Variants in RIPK1 observed in about 807,000 individuals in gnomAD.
The protein encoded by RIPK1 is receptor-interacting serine/threonine-protein kinase 1.
In RIPK1, 27 loss-of-function variants were observed where a neutral mutation model predicts 62.4. The observed-to-expected ratio is 0.43, with a 90% CI of 0.32 to 0.60. The LOEUF (loss-of-function observed/expected upper bound fraction) is 0.60. Ranked by LOEUF, RIPK1 falls within the 20% of genes least tolerant of loss-of-function variation. The pLI is 0.07. For missense variants in RIPK1, 735 were observed against 831.0 expected, an observed-to-expected ratio of 0.88 and a Z score of 1.42; for synonymous variants, 287 against 303.2, an observed-to-expected ratio of 0.95 and a Z score of 0.55.
intron 1 of RIPK1, chr6:3,068,990 G>C (rs1191207887): frequency 6.6e-6 from 1 of 152,178 alleles, no homozygotes; most frequent in East Asian, 1.9e-4. Context: ...GGCCGCGGGC[G>C]CTCCCGGAAG....
chr6:3,084,767 T>C (rs1006673722), intron 5 of RIPK1, among the ~76,000 whole-genome samples: 2 of 152,018 alleles, frequency 1.3e-5, no homozygotes, highest in Non-Finnish European at 2.9e-5. Flanking sequence ...CTAATTTTTA[T>C]ATTTTTAGTA....
intron 3 of RIPK1, 67 bp downstream of exon 3, chr6:3,078,002 T>C: frequency 3.3e-6 from 5 of 1,506,258 alleles, no homozygotes; most frequent in Non-Finnish European, 3.6e-6. Flanking sequence ...ATGGCTCCCC[T>C]TGGGGTGTTT....
rs1761275595 is a variant in RIPK1, at chr6:3,113,620, C to T, written c.*281C>T. 2.7e-6 allele frequency: 1 copy of T among 374,644 alleles called. No homozygotes were observed. Among genetic ancestry groups the T allele is most frequent in the Non-Finnish European group, 4.9e-6 (1 of 203,650 alleles). The allele number at this position is 374,644 out of a possible 1,614,324, so 23.2% of individuals were successfully genotyped here. A position where few individuals can be genotyped will look rare whatever the true frequency, so the allele number is the denominator to read the frequency against. ...ATATCAGGCACTGAGCCACTGCGCC[C>T]AGCCAACAATCCGCTCTGAGGAAAG... On this transcript the variant is annotated 3_prime_UTR_variant, in exon 11 of 11. Transcript: ENST00000259808. This position sits in a 1 kb window ranked among gnomAD's most constrained non-coding sequence, Gnocchi z 5.0.
intron 1 of RIPK1, among the ~76,000 whole-genome samples, chr6:3,074,299 T>C (rs1249989062): frequency 6.6e-6 from 1 of 152,246 alleles, no homozygotes; most frequent in Non-Finnish European, 1.5e-5. Flanking sequence ...GTATGTATGC[T>C]TTTGTATAAG....
chr6:3,113,110 A>G lies in RIPK1; in HGVS notation c.1787A>G (p.Lys596Arg). 1 of 1,603,784 alleles carries G rather than the reference A, an allele frequency of 6.2e-7. No homozygotes were observed. ...GACCCAATCAGGGAAAATCTGGGAA[A>G]GCACTGGAAAAACTGTGCCCGTAAA... ...HLDPIRENLG[K>R]HWKNCARKLG... The change falls in exon 11 of 11, where the codon AAG becomes AGG. Residue 596 changes from lysine (K) to arginine (R), a missense_variant. Around this residue, in one of 2 missense-constraint regions of RIPK1, gnomAD observed 64 missense variants for 104.8 expected, o/e 0.61. Transcript: ENST00000259808. The surrounding 1 kb of genome is among the most constrained non-coding windows in gnomAD (Gnocchi z 5.0).
At chr6:3,103,990 T>C (rs1760706607) in intron 7 of RIPK1, among the ~76,000 whole-genome samples, 2 of 152,240 alleles carry the variant, frequency 1.3e-5, no homozygotes, top group South Asian at 4.1e-4. Flanking sequence ...TACGCTGTTT[T>C]GAATACTGTA....
At position 3,072,390 on chromosome 6, in the gene RIPK1, C is replaced by CGTAT; in HGVS notation, c.-61+3729_-61+3730insGTAT. Among the ~76,000 whole-genome samples, 1 of 151,052 alleles carries CGTAT rather than the reference C, an allele frequency of 6.6e-6. No individual in the cohort carries two copies. The highest frequency in any genetic ancestry group is 2.4e-5 in the African/African-American group (1 of 41,072). On this transcript the variant is annotated intron_variant, in intron 1 of 10. Transcript: ENST00000259808. The surrounding 1 kb of genome is among the most constrained non-coding windows in gnomAD (Gnocchi z 5.6). ...CTGTACTTATATCTTTATCTATTTA[C>CGTAT]ATATATATATATATAAAACACACAC...
intron 7 of RIPK1, among the ~76,000 whole-genome samples, chr6:3,102,846 C>G (rs975482272): frequency 2.0e-5 from 3 of 152,104 alleles, no homozygotes; most frequent in African/African-American, 7.2e-5. Flanking sequence ...CTCAGGTGAT[C>G]TGAGGTCCCA....
Position 3,077,880 on chromosome 6 carries a change from C to G in RIPK1, c.266C>G (p.Ser89Cys). The change falls in exon 3 of 11, where the codon TCC (serine) becomes TGC (cysteine). Residue 89 changes from serine (S) to cysteine (C), a missense_variant. Physicochemically the swap from Ser to Cys is moderately radical, Grantham distance 112. Transcript: ENST00000259808. ...GTCATCATAGAGGAAGGGAAGTACT[C>G]CCTGGTGATGGAGTACATGGAGAAG... The part of the protein sequence containing the change: ...LGVIIEEGKY[S>C]LVMEYMEKGN... The G allele has an allele frequency of 1.2e-6, 2 of 1,614,198 alleles. No individual in the cohort carries two copies. The highest frequency in any genetic ancestry group is 8.5e-7 in the Non-Finnish European group (1 of 1,180,020).
chr6:3,080,548 CA>C (rs1759321504), intron 3 of RIPK1, among the ~76,000 whole-genome samples: 1 of 152,180 alleles, frequency 6.6e-6, no homozygotes. Context: ...ATTTGCATGG[CA>C]TTGTTCATGT....
intron 7 of RIPK1, among the ~76,000 whole-genome samples, chr6:3,096,726 A>ATTT (rs36106254): frequency 0.011 from 1,560 of 139,968 alleles, 34 homozygotes; most frequent in African/African-American, 0.038. Flanking sequence ...CACCCAGCGA[A>ATTT]TTTTTTTTTT....
At chr6:3,108,158 GC>G (rs542490819) in intron 9 of RIPK1, among the ~76,000 whole-genome samples, 260 of 151,988 alleles carry the variant, frequency 1.7e-3, no homozygotes, top group African/African-American at 6.1e-3. Flanking sequence ...TAGACCCACT[GC>G]TTTTTATTCA....
At chr6:3,068,901 T>C (rs1758531029) in intron 1 of RIPK1, 1 of 159,484 alleles carries the variant, frequency 6.3e-6, no homozygotes, top group South Asian at 2.0e-4. Flanking sequence ...GCCGCGGGCT[T>C]CCCGGAAGGA....
At position 3,068,611 on chromosome 6, in the gene RIPK1, A is replaced by T; in HGVS notation, c.-111A>T. On this transcript the variant is annotated 5_prime_UTR_variant, in exon 1 of 11. Coordinates refer to ENST00000259808, the MANE Select transcript of RIPK1 (RefSeq NM_001354930.2). ...GAGCGCGGCCATCCGGGCGGGGCCG[A>T]CGGAGCGCGGCAGGACTTGGCTGGA... 6 of 984,898 alleles carry T rather than the reference A, an allele frequency of 6.1e-6. No individual in the cohort carries two copies. The highest frequency in any genetic ancestry group is 7.2e-6 in the Non-Finnish European group (6 of 829,830). 61.0% of individuals were successfully genotyped at this position (984,898 alleles called of 1,614,324 possible).
intron 5 of RIPK1, 101 bp from the exon 6 acceptor site, chr6:3,085,158 G>C: frequency 7.9e-7 from 1 of 1,261,870 alleles, no homozygotes; most frequent in Middle Eastern, 2.7e-4. Flanking sequence ...GAATGAGGCA[G>C]CTGTACCAGA....
Position 3,068,596 on chromosome 6 carries a change from A to T in RIPK1, c.-126A>T. 1 of 985,330 alleles carries T rather than the reference A, an allele frequency of 1.0e-6. No homozygotes were observed. The highest frequency in any genetic ancestry group is 1.2e-6 in the Non-Finnish European group (1 of 829,954). 61.0% of individuals were successfully genotyped at this position (985,330 alleles called of 1,614,324 possible). ...ACAGCTGGGGCGCCAGAGCGCGGCC[A>T]TCCGGGCGGGGCCGACGGAGCGCGG... On this transcript the variant is annotated 5_prime_UTR_variant, in exon 1 of 11. Coordinates refer to ENST00000259808, the MANE Select transcript of RIPK1 (RefSeq NM_001354930.2).
intron 1 of RIPK1, chr6:3,068,910 G>C (rs1207475289): frequency 6.3e-6 from 1 of 157,484 alleles, no homozygotes; most frequent in African/African-American, 2.4e-5. Context: ...TTCCCGGAAG[G>C]AGAGGGACTC....
intron 7 of RIPK1, among the ~76,000 whole-genome samples, chr6:3,095,055 T>C (rs1480089317): frequency 1.3e-5 from 2 of 151,646 alleles, no homozygotes; most frequent in Admixed American, 6.6e-5. Flanking sequence ...GAGACCCTAC[T>C]TCTGAGAAAA....
upstream of RIPK1, among the ~76,000 whole-genome samples, chr6:3,064,995 C>A (rs1411788559): frequency 6.6e-6 from 1 of 152,090 alleles, no homozygotes; most frequent in Admixed American, 6.5e-5. Context: ...GTAATCCCAG[C>A]ACTCTGGGAG....
Sources: allele counts gnomAD v4.1 joint callset (sites outside exome capture counted in the v4.1 genomes callset), GRCh38; gene constraint gnomAD v4.1.1; regional missense constraint gnomAD v4.1.1; non-coding constraint Gnocchi (gnomAD v3.1); transcripts MANE v1.5; gene names NCBI Gene and HGNC (gene_info 2026-07-23, HGNC 2026-07-21).